The following KCND2 variants were observed in gnomAD, a reference collection of about 807,000 sequenced individuals.
The protein encoded by KCND2 is A-type voltage-gated potassium channel KCND2.
KCND2 carries 16 observed loss-of-function variants against 54.4 expected under a neutral mutation model. The observed-to-expected ratio is 0.29, with a 90% confidence interval of 0.20 to 0.45. The LOEUF (loss-of-function observed/expected upper bound fraction) is 0.45, where lower values mean the gene tolerates loss of function less well. Among genes scored for constraint, KCND2 ranks in the 20% least tolerant of loss-of-function variants. The pLI, the probability that KCND2 is intolerant of heterozygous loss-of-function variation, is 1.00. For missense variants in KCND2, 486 were observed against 824.2 expected, an observed-to-expected ratio of 0.59 and a Z score of 5.02; for synonymous variants, 317 against 310.7, an observed-to-expected ratio of 1.02 and a Z score of -0.21.
chr7:120,452,045 CTATT>C (rs1802120750), intron 1 of KCND2, among the ~76,000 whole-genome samples: 1 of 152,146 alleles, frequency 6.6e-6, no homozygotes, highest in African/African-American at 2.4e-5. Flanking sequence ...CACTTTCTTC[CTATT>C]TAATCTTGTT....
intron 1 of KCND2, among the ~76,000 whole-genome samples, chr7:120,536,165 G>C (rs921536324): frequency 6.6e-6 from 1 of 152,094 alleles, no homozygotes; most frequent in Non-Finnish European, 1.5e-5. Context: ...GCATATAAAA[G>C]CTATGTTTAC....
At chr7:120,550,634 T>C (rs1011309607) in intron 1 of KCND2, among the ~76,000 whole-genome samples, 2 of 152,160 alleles carry the variant, frequency 1.3e-5, no homozygotes, top group Non-Finnish European at 2.9e-5. Context: ...CACAGAAGGC[T>C]CAGGCTGTTT....
At chr7:120,706,350 A>G (rs1291265570) in intron 1 of KCND2, among the ~76,000 whole-genome samples, 1 of 152,180 alleles carries the variant, frequency 6.6e-6, no homozygotes, top group Non-Finnish European at 1.5e-5. Flanking sequence ...TGAGTAAAGA[A>G]CAGAAATTTA....
intron 1 of KCND2, among the ~76,000 whole-genome samples, chr7:120,667,080 C>T (rs546975683): frequency 1.1e-4 from 17 of 152,128 alleles, no homozygotes; most frequent in African/African-American, 4.1e-4. Flanking sequence ...ACAAGCTGAA[C>T]TTCAATCAAC....
intron 1 of KCND2, among the ~76,000 whole-genome samples, chr7:120,277,619 GA>G (rs1276148150): frequency 6.6e-6 from 1 of 151,924 alleles, no homozygotes; most frequent in Non-Finnish European, 1.5e-5. Context: ...ATGTTGATGA[GA>G]ATTCTAATTT....
chr7:120,589,712 A>T (rs905179127), intron 1 of KCND2, among the ~76,000 whole-genome samples: 2 of 152,214 alleles, frequency 1.3e-5, no homozygotes, highest in Admixed American at 1.3e-4. Flanking sequence ...TTAAGTGAAG[A>T]ACAGAAATCT....
At chr7:120,612,281 A>G (rs1011579024) in intron 1 of KCND2, among the ~76,000 whole-genome samples, 4 of 152,222 alleles carry the variant, frequency 2.6e-5, no homozygotes, top group African/African-American at 9.6e-5. Flanking sequence ...CCACACACTT[A>G]AATTTATAGT....
intron 1 of KCND2, among the ~76,000 whole-genome samples, chr7:120,511,068 AACT>A (rs1803107414): frequency 6.6e-6 from 1 of 150,502 alleles, no homozygotes; most frequent in South Asian, 2.1e-4. Context: ...CAGAGCTTCT[AACT>A]ACTGACTCCT....
chr7:120,445,059 T>C (rs2116203929), intron 1 of KCND2, among the ~76,000 whole-genome samples: 1 of 152,226 alleles, frequency 6.6e-6, no homozygotes, highest in East Asian at 1.9e-4. Context: ...TCTTCACACA[T>C]GGTACTTACA....
intron 1 of KCND2, among the ~76,000 whole-genome samples, chr7:120,518,224 C>T (rs1437310341): frequency 6.6e-6 from 1 of 152,090 alleles, no homozygotes; most frequent in Non-Finnish European, 1.5e-5. Flanking sequence ...ATACATTTTT[C>T]TAAGGCAAAT....
At chr7:120,473,080 C>T (rs929384359) in intron 1 of KCND2, among the ~76,000 whole-genome samples, 1 of 152,290 alleles carries the variant, frequency 6.6e-6, no homozygotes. Context: ...CCATAAGGAC[C>T]AGCAGATCAG....
At chr7:120,474,233 G>A (rs1373148879) in intron 1 of KCND2, among the ~76,000 whole-genome samples, 2 of 152,176 alleles carry the variant, frequency 1.3e-5, no homozygotes, top group African/African-American at 2.4e-5. Context: ...ACACCACATG[G>A]CAGCTCAAGC....
At chr7:120,636,530 T>G (rs1793306711) in intron 1 of KCND2, among the ~76,000 whole-genome samples, 1 of 152,130 alleles carries the variant, frequency 6.6e-6, no homozygotes, top group Non-Finnish European at 1.5e-5. Flanking sequence ...ACATGTCAAC[T>G]AGATAGTGGT....
At chr7:120,730,969 C>T (rs1483782344) in intron 1 of KCND2, among the ~76,000 whole-genome samples, 1 of 152,218 alleles carries the variant, frequency 6.6e-6, no homozygotes, top group East Asian at 1.9e-4. Context: ...TCTCTCAGGA[C>T]TACACTCTCT....
At chr7:120,565,414 T>C (rs1008970196) in intron 1 of KCND2, among the ~76,000 whole-genome samples, 1 of 152,206 alleles carries the variant, frequency 6.6e-6, no homozygotes, top group Non-Finnish European at 1.5e-5. Context: ...CATTCTAGGA[T>C]GGTACCAACT....
chr7:120,518,369 TTAAACA>T (rs1484783898), intron 1 of KCND2, among the ~76,000 whole-genome samples: 1 of 152,108 alleles, frequency 6.6e-6, no homozygotes, highest in Non-Finnish European at 1.5e-5. Flanking sequence ...TATTCACAAC[TTAAACA>T]TAAAGTTACC....
At chr7:120,491,789 G>A (rs1802783711) in intron 1 of KCND2, among the ~76,000 whole-genome samples, 2 of 151,884 alleles carry the variant, frequency 1.3e-5, no homozygotes, top group Admixed American at 1.3e-4. Flanking sequence ...AAGTTTGAAA[G>A]TGTTACTACC....
chr7:120,314,996 A>T (rs922654020), intron 1 of KCND2, among the ~76,000 whole-genome samples: 6 of 152,106 alleles, frequency 3.9e-5, no homozygotes, highest in African/African-American at 1.4e-4. Flanking sequence ...ACATGCACAC[A>T]TACACACACA....
intron 1 of KCND2, among the ~76,000 whole-genome samples, chr7:120,344,362 G>A (rs1800282167): frequency 6.6e-6 from 1 of 152,120 alleles, no homozygotes. Context: ...GGATTCTACT[G>A]AAATGTGGGA....
Sources: gnomAD v4.1 joint callset for allele counts (sites outside exome capture counted in the v4.1 genomes callset) on GRCh38, gnomAD v4.1.1 for gene constraint, MANE v1.5 for transcripts, NCBI Gene and HGNC (gene_info 2026-07-23, HGNC 2026-07-21) for gene names.